Variants in ADGRL3 observed in about 807,000 individuals in gnomAD.
ADGRL3 encodes calcium-independent alpha-latrotoxin receptor 3.
In ADGRL3, 62 loss-of-function variants were observed where a neutral mutation model predicts 153.5. The ratio of observed to expected loss-of-function variants is 0.40; its 90% CI spans 0.33 to 0.50. ADGRL3 has a LOEUF of 0.50. Ranked by LOEUF, ADGRL3 falls within the 20% of genes least tolerant of loss-of-function variation. The pLI, the probability that ADGRL3 is intolerant of heterozygous loss-of-function variation, is 0.47. For missense variants in ADGRL3, 1,641 were observed against 1,859.4 expected (o/e 0.88, Z 2.16); for synonymous variants, 710 against 672.5 (o/e 1.06, Z -0.86).
At chr4:61,689,248 A>G (rs747705421) in intron 6 of ADGRL3, among the ~76,000 whole-genome samples, 6 of 152,050 alleles carry the variant, frequency 3.9e-5, no homozygotes, top group Non-Finnish European at 7.4e-5. Flanking sequence ...CTCATATATA[A>G]CAAGCCTCTC....
chr4:61,486,980 T>C (rs569108041), intron 2 of ADGRL3, among the ~76,000 whole-genome samples: 1 of 152,320 alleles, frequency 6.6e-6, no homozygotes, highest in South Asian at 2.1e-4. Context: ...AGTGAAGATA[T>C]TGAAGGCCTG....
At chr4:62,037,131 CG>C (rs1263005135) in intron 23 of ADGRL3, among the ~76,000 whole-genome samples, 2 of 152,028 alleles carry the variant, frequency 1.3e-5, no homozygotes, top group Non-Finnish European at 2.9e-5. Context: ...TCAATTTGAA[CG>C]TTTGATCTCT....
chr4:61,483,693 T>C (rs1046054315), intron 2 of ADGRL3, among the ~76,000 whole-genome samples: 1 of 151,986 alleles, frequency 6.6e-6, no homozygotes, highest in Admixed American at 6.6e-5. Context: ...GCCGAGATCA[T>C]GCCACTGCAC....
In ADGRL3 at chr4:61,202,919, G is replaced by A. The variant is rs1228773555; in HGVS notation, c.-240+1154G>A. Among the ~76,000 whole-genome samples, 1 of 152,164 alleles carries A rather than the reference G, an allele frequency of 6.6e-6. No individual in the cohort carries two copies. The highest frequency in any genetic ancestry group is 1.9e-4 in the East Asian group (1 of 5,166). On this transcript the variant is annotated intron_variant, in intron 1 of 26. Transcript: ENST00000683033. The surrounding 1 kb of genome is among the most constrained non-coding windows in gnomAD (Gnocchi z 5.0). ...AGCTGATGCTGCTGGAGCTGAGCTT[G>A]CTTATTGAAATCGCCTGGGATCCTC...
At chr4:61,309,780 C>T (rs148117766) in intron 1 of ADGRL3, among the ~76,000 whole-genome samples, 2 of 152,130 alleles carry the variant, frequency 1.3e-5, no homozygotes, top group East Asian at 3.9e-4. Flanking sequence ...AATCATCTTT[C>T]CAAGAAAGCG....
chr4:61,311,115 C>T (rs1053310890), intron 1 of ADGRL3, among the ~76,000 whole-genome samples: 2 of 151,910 alleles, frequency 1.3e-5, no homozygotes, highest in African/African-American at 2.4e-5. Flanking sequence ...AAAACACAAA[C>T]AAAATCCTAA....
intron 2 of ADGRL3, among the ~76,000 whole-genome samples, chr4:61,399,044 A>T (rs1047104653): frequency 7.2e-5 from 11 of 151,780 alleles, no homozygotes; most frequent in Non-Finnish European, 1.5e-5. Context: ...ATTAGAAATT[A>T]AAGTCCTGAA....
chr4:61,945,902 C>T (rs1257342342), intron 15 of ADGRL3, among the ~76,000 whole-genome samples: 5 of 152,168 alleles, frequency 3.3e-5, no homozygotes, highest in Non-Finnish European at 7.3e-5. Context: ...TCTTCTGCGT[C>T]GCTCACGCTG....
At chr4:61,961,876 CTT>C (rs569250686) in intron 17 of ADGRL3, among the ~76,000 whole-genome samples, 3 of 152,190 alleles carry the variant, frequency 2.0e-5, no homozygotes, top group East Asian at 3.9e-4. Context: ...TTTCTCCACT[CTT>C]TTACAGAACT....
intron 4 of ADGRL3, among the ~76,000 whole-genome samples, chr4:61,538,450 T>G (rs1276196292): frequency 1.3e-5 from 2 of 152,150 alleles, no homozygotes; most frequent in African/African-American, 4.8e-5. Context: ...TTGTTTGTTT[T>G]TTTGTTGAGA....
intron 8 of ADGRL3, among the ~76,000 whole-genome samples, chr4:61,776,151 C>A (rs113571035): frequency 6.6e-6 from 1 of 152,270 alleles, no homozygotes; most frequent in African/African-American, 2.4e-5. Flanking sequence ...CCACCCGCCT[C>A]GGCCTCCCAA....
intron 1 of ADGRL3, among the ~76,000 whole-genome samples, chr4:61,371,984 T>C (rs1301989022): frequency 6.6e-6 from 1 of 152,214 alleles, no homozygotes; most frequent in African/African-American, 2.4e-5. Context: ...ATTCATTTCA[T>C]CTTCCATCGC....
chr4:61,341,495 C>CAT (rs2095806864), intron 1 of ADGRL3, among the ~76,000 whole-genome samples: 2 of 151,058 alleles, frequency 1.3e-5, no homozygotes, highest in African/African-American at 2.4e-5. Context: ...TATACAGAGT[C>CAT]ATATATGGGG....
chr4:61,493,702 T>G (rs1489488154), intron 2 of ADGRL3, among the ~76,000 whole-genome samples: 3 of 152,206 alleles, frequency 2.0e-5, no homozygotes, highest in African/African-American at 7.2e-5. Context: ...GTATCCATGC[T>G]GTTCCGGGTT....
At chr4:61,226,563 C>T (rs1254341018) in intron 1 of ADGRL3, among the ~76,000 whole-genome samples, 1 of 152,090 alleles carries the variant, frequency 6.6e-6, no homozygotes, top group African/African-American at 2.4e-5. Flanking sequence ...TGATATTTTT[C>T]AGGTTCTTGA....
At chr4:61,871,295 T>C (rs1345633552) in intron 9 of ADGRL3, among the ~76,000 whole-genome samples, 1 of 145,884 alleles carries the variant, frequency 6.9e-6, no homozygotes, top group Non-Finnish European at 1.5e-5. Flanking sequence ...AAAAAAAAAG[T>C]GTACACAAAT....
intron 8 of ADGRL3, among the ~76,000 whole-genome samples, chr4:61,804,564 T>C (rs749003396): frequency 6.6e-6 from 1 of 152,188 alleles, no homozygotes; most frequent in Non-Finnish European, 1.5e-5. Context: ...ACTGGAACCA[T>C]ACTGGAGATA....
In ADGRL3 at chr4:61,806,676, G is replaced by A. The variant is rs529377427; in HGVS notation, c.1400-7133G>A. ...TAAATAATTGGTATTTTCTTTTGTT[G>A]TAAAGTTTTGATAGGTGAATTGATT... On this transcript the variant is annotated intron_variant, in intron 8 of 26. Transcript: ENST00000683033. Among the ~76,000 whole-genome samples the A allele has an allele frequency of 2.0e-5, 3 of 152,046 alleles. No homozygotes were observed. In the East Asian group the frequency reaches 5.8e-4, roughly 29 times the overall value.
chr4:61,910,322 A>G (rs527900115), intron 12 of ADGRL3, among the ~76,000 whole-genome samples: 12 of 151,992 alleles, frequency 7.9e-5, no homozygotes, highest in Admixed American at 6.6e-5. Context: ...TATCACTAAC[A>G]TTAAAATGTT....
Sources: gnomAD v4.1 joint callset for allele counts (sites outside exome capture counted in the v4.1 genomes callset) on GRCh38, gnomAD v4.1.1 for gene constraint, Gnocchi (gnomAD v3.1) non-coding constraint, MANE v1.5 for transcripts, NCBI Gene and HGNC (gene_info 2026-07-23, HGNC 2026-07-21) for gene names.